The following RORA variants were observed in gnomAD, a reference collection of about 807,000 sequenced individuals.
The protein encoded by RORA is nuclear receptor ROR-alpha.
In RORA, 7 loss-of-function variants were observed where a neutral mutation model predicts 69.5. That is an observed-to-expected ratio of 0.10 (90% CI 0.06 to 0.19). RORA has a LOEUF of 0.19. Among genes scored for constraint, RORA ranks in the 10% least tolerant of loss-of-function variants. RORA has a pLI of 1.00. For synonymous variants in RORA, 261 were observed against 240.8 expected, an observed-to-expected ratio of 1.08 and a Z score of -0.78; for missense variants, 457 against 663.0, an observed-to-expected ratio of 0.69 and a Z score of 3.41.
At chr15:60,791,010 T>C (rs1432658700) in intron 1 of RORA, among the ~76,000 whole-genome samples, 3 of 151,846 alleles carry the variant, frequency 2.0e-5, no homozygotes, top group Admixed American at 2.0e-4. Flanking sequence ...GGACTGTCTA[T>C]TGTTTCATTG....
intron 1 of RORA, among the ~76,000 whole-genome samples, chr15:61,098,433 CT>C (rs2078829416): frequency 1.3e-5 from 2 of 152,086 alleles, no homozygotes; most frequent in South Asian, 4.2e-4. Flanking sequence ...CCTCAAAATC[CT>C]GAGCTCAAGT....
intron 1 of RORA, among the ~76,000 whole-genome samples, chr15:61,112,791 T>G (rs1402192087): frequency 6.6e-6 from 1 of 152,162 alleles, no homozygotes. Context: ...AGAGTGCCCC[T>G]CGGGGCAATG....
chr15:61,156,787 A>T (rs888987090), intron 1 of RORA, among the ~76,000 whole-genome samples: 12 of 152,216 alleles, frequency 7.9e-5, no homozygotes, highest in African/African-American at 2.9e-4. Context: ...TAAATTTGTC[A>T]AAGTCACACT....
At chr15:60,926,054 G>A (rs182272467) in intron 1 of RORA, among the ~76,000 whole-genome samples, 9 of 152,284 alleles carry the variant, frequency 5.9e-5, no homozygotes, top group African/African-American at 2.2e-4. Flanking sequence ...AACTGCTCTT[G>A]AACAACTAGG....
chr15:60,554,908 A>G (rs2067316748), intron 2 of RORA, among the ~76,000 whole-genome samples: 1 of 151,548 alleles, frequency 6.6e-6, no homozygotes, highest in Non-Finnish European at 1.5e-5. Context: ...GTACCCACCC[A>G]TTTTTAATGT....
At chr15:60,854,624 T>G (rs138309467) in intron 1 of RORA, among the ~76,000 whole-genome samples, 1 of 152,174 alleles carries the variant, frequency 6.6e-6, no homozygotes. Flanking sequence ...AATTAGCAAC[T>G]TGTAGCACTT....
At chr15:60,850,728 A>G (rs2073314982) in intron 1 of RORA, among the ~76,000 whole-genome samples, 1 of 152,154 alleles carries the variant, frequency 6.6e-6, no homozygotes, top group East Asian at 1.9e-4. Context: ...TGCTCTGAGC[A>G]GGGAGCCCTG....
intron 3 of RORA, among the ~76,000 whole-genome samples, chr15:60,516,725 G>A (rs1455706944): frequency 1.3e-5 from 2 of 152,120 alleles, no homozygotes; most frequent in East Asian, 1.9e-4. Context: ...AGGAATACAC[G>A]TTAAAGAAAT....
intron 1 of RORA, among the ~76,000 whole-genome samples, chr15:61,046,152 T>C (rs375679652): frequency 6.6e-6 from 1 of 152,016 alleles, no homozygotes; most frequent in Admixed American, 6.6e-5. Context: ...CATGTGTGCA[T>C]GGGAGAGGGA....
intron 2 of RORA, chr15:60,627,643 C>A (rs1288897812): frequency 1.8e-6 from 1 of 563,826 alleles, no homozygotes; most frequent in Non-Finnish European, 2.2e-6. Flanking sequence ...TCTTTCTTCC[C>A]TTTTTTCAAT....
chr15:60,820,145 G>A (rs192144557), intron 1 of RORA, among the ~76,000 whole-genome samples: 2 of 152,392 alleles, frequency 1.3e-5, no homozygotes, highest in Admixed American at 6.5e-5. Context: ...GCTGACGAGT[G>A]AGGCTGCAAG....
chr15:60,567,239 C>T lies in RORA; in HGVS notation c.197-35388G>A, dbSNP rs138995711. Among the ~76,000 whole-genome samples the T allele has an allele frequency of 5.0e-3, 754 of 151,540 alleles. 10 individuals are homozygous for T. Among genetic ancestry groups the T allele is most frequent in the African/African-American group, 0.017 (700 of 41,318 alleles). ...ATGACAGACCAGTTATTCCAAACGG[C>T]GACAGAGCCAAGGGAGGTGCTCCCT... is the stretch of plus-strand genomic sequence containing the variant. On this transcript the variant is annotated intron_variant, in intron 2 of 10. Coordinates refer to ENST00000335670, the MANE Select transcript of RORA (RefSeq NM_134261.3).
intron 1 of RORA, among the ~76,000 whole-genome samples, chr15:61,188,429 G>A (rs1196692155): frequency 6.6e-6 from 1 of 152,154 alleles, no homozygotes; most frequent in Non-Finnish European, 1.5e-5. Flanking sequence ...TGGGGCAGCA[G>A]TGCCCAATCT....
intron 1 of RORA, among the ~76,000 whole-genome samples, chr15:60,680,321 G>A (rs1445658646): frequency 1.3e-5 from 2 of 152,130 alleles, no homozygotes; most frequent in East Asian, 1.9e-4. Flanking sequence ...AGCCCAAAAC[G>A]ACCTATCTAT....
chr15:60,709,630 T>G (rs2071115710), intron 1 of RORA, among the ~76,000 whole-genome samples: 1 of 151,430 alleles, frequency 6.6e-6, no homozygotes, highest in South Asian at 2.1e-4. Context: ...GGTTGTGCGC[T>G]CGTCATGACA....
chr15:60,936,151 G>C (rs779136632), intron 1 of RORA, among the ~76,000 whole-genome samples: 3 of 152,202 alleles, frequency 2.0e-5, no homozygotes, highest in Non-Finnish European at 4.4e-5. Flanking sequence ...AATGATGCTA[G>C]GACCCAATCC....
Position 61,216,898 on chromosome 15 carries a change from C to A in RORA, c.166+12155G>T, listed in dbSNP as rs557294022. 5.3e-5 allele frequency among the ~76,000 whole-genome samples: 8 copies of A among 152,278 alleles called. No homozygotes were observed. In the East Asian group the frequency reaches 1.5e-3, roughly 29 times the overall value. ...GGTCTGTCTCACTCCTCCCAGCAGG[C>A]TTGTAAAAACCACATACACATATTG... On this transcript the variant is annotated intron_variant, in intron 1 of 10. Coordinates refer to ENST00000335670, the MANE Select transcript of RORA (RefSeq NM_134261.3).
chr15:60,820,521 A>G (rs2072880189), intron 1 of RORA, among the ~76,000 whole-genome samples: 1 of 152,082 alleles, frequency 6.6e-6, no homozygotes, highest in African/African-American at 2.4e-5. Flanking sequence ...TGCGTGAAGA[A>G]GGTTTAAGAT....
intron 1 of RORA, among the ~76,000 whole-genome samples, chr15:60,940,398 A>G (rs143999891): frequency 2.0e-5 from 3 of 152,376 alleles, no homozygotes; most frequent in African/African-American, 7.2e-5. Context: ...AAGATGTTGA[A>G]CAAAAAAGAA....
Sources: allele counts gnomAD v4.1 joint callset (sites outside exome capture counted in the v4.1 genomes callset), GRCh38; gene constraint gnomAD v4.1.1; transcripts MANE v1.5; gene names NCBI Gene and HGNC (gene_info 2026-07-23, HGNC 2026-07-21).